The following GAB2 variants were observed in gnomAD, a reference collection of about 807,000 sequenced individuals.
The protein encoded by GAB2 is GRB2-associated-binding protein 2.
GAB2 carries 26 observed loss-of-function variants against 65.5 expected under a neutral mutation model. That is an observed-to-expected ratio of 0.40 (90% confidence interval 0.29 to 0.55). GAB2 has a LOEUF of 0.55. GAB2 is among the 20% of genes least tolerant of loss of function. The pLI is 0.53. For synonymous variants in GAB2, 321 were observed against 329.6 expected (o/e 0.97, Z 0.28); for missense variants, 884 against 875.8 (o/e 1.01, Z -0.12).
At chr11:78,415,129 C>T (rs1355247302) in intron 1 of GAB2, among the ~76,000 whole-genome samples, 1 of 152,236 alleles carries the variant, frequency 6.6e-6, no homozygotes, top group African/African-American at 2.4e-5. Context: ...GCCTCAGCCT[C>T]CCAAAGTGCT....
At chr11:78,411,788 T>G (rs1158861423) in intron 1 of GAB2, among the ~76,000 whole-genome samples, 3 of 151,392 alleles carry the variant, frequency 2.0e-5, no homozygotes, top group African/African-American at 7.3e-5. Context: ...TCCCAGCACT[T>G]TGGGAGGCCA....
chr11:78,311,679 C>G (rs1223609843), intron 1 of GAB2, among the ~76,000 whole-genome samples: 1 of 152,130 alleles, frequency 6.6e-6, no homozygotes, highest in Non-Finnish European at 1.5e-5. Context: ...TATTATATTG[C>G]TTTTAAATTG....
intron 3 of GAB2, among the ~76,000 whole-genome samples, chr11:78,231,336 G>GGTGC (rs1554975135): frequency 6.9e-6 from 1 of 145,796 alleles, no homozygotes; most frequent in Admixed American, 6.8e-5. Context: ...GCGCGTGTGT[G>GGTGC]GTGTGTGTGT....
intron 1 of GAB2, among the ~76,000 whole-genome samples, chr11:78,333,597 C>A (rs1009620466): frequency 6.6e-6 from 1 of 152,090 alleles, no homozygotes; most frequent in African/African-American, 2.4e-5. Context: ...ACAGTGGGAG[C>A]CAGATGTGAA....
At chr11:78,358,242 C>A (rs1165754056) in intron 1 of GAB2, among the ~76,000 whole-genome samples, 1 of 135,502 alleles carries the variant, frequency 7.4e-6, no homozygotes, top group African/African-American at 2.8e-5. Flanking sequence ...GGGAATTGAA[C>A]AATGAGAACA....
At chr11:78,277,572 G>C (rs1240198900) in intron 2 of GAB2, among the ~76,000 whole-genome samples, 1 of 152,244 alleles carries the variant, frequency 6.6e-6, no homozygotes, top group Admixed American at 6.5e-5. Context: ...AAATGGTCGA[G>C]TTTAACTGGT....
chr11:78,349,189 T>C (rs1351150018), intron 1 of GAB2, among the ~76,000 whole-genome samples: 2 of 152,184 alleles, frequency 1.3e-5, no homozygotes, highest in African/African-American at 2.4e-5. Context: ...CCTTTGAAGT[T>C]GATAAGGAAA....
rs1038909966 is a variant in GAB2, at chr11:78,225,183, G to A, written c.1227C>T (p.Tyr409=). ...TCTCTCCACCACGCTGTGGGTACTC[G>A]TAGGTCTCACAGGAAGAAGCTGACA... ...RLHRASSCET[Y]EYPQRGGESA... is the part of the protein sequence containing the mutation. Residue 409 remains tyrosine, a synonymous_variant, in exon 5 of 10, where the codon TAC becomes TAT. Transcript: ENST00000361507. 5 of 1,610,300 alleles carry A rather than the reference G, an allele frequency of 3.1e-6. No individual in the cohort carries two copies. Among genetic ancestry groups the A allele is most frequent in the Non-Finnish European group, 4.2e-6 (5 of 1,176,672 alleles).
chr11:78,390,028 C>G (rs1856815698), intron 1 of GAB2, among the ~76,000 whole-genome samples: 1 of 152,142 alleles, frequency 6.6e-6, no homozygotes, highest in South Asian at 2.1e-4. Flanking sequence ...CAGGACCAGG[C>G]AGCTTTAGAG....
At chr11:78,224,825 G>A (rs892055380) in intron 5 of GAB2, among the ~76,000 whole-genome samples, 3 of 151,988 alleles carry the variant, frequency 2.0e-5, no homozygotes, top group East Asian at 1.9e-4. Context: ...TTCCCCCACC[G>A]TGCAGCCTGG....
At chr11:78,231,336 G>GGTGTGTGTGTGCGTGTGTGT (rs1554975137) in intron 3 of GAB2, among the ~76,000 whole-genome samples, 9 of 145,898 alleles carry the variant, frequency 6.2e-5, no homozygotes, top group African/African-American at 2.1e-4. Context: ...GCGCGTGTGT[G>GGTGTGTGTGTGCGTGTGTGT]GTGTGTGTGT....
intron 1 of GAB2, among the ~76,000 whole-genome samples, chr11:78,287,993 G>A (rs1207171996): frequency 6.6e-6 from 1 of 151,674 alleles, no homozygotes; most frequent in African/African-American, 2.4e-5. Context: ...TTCTTGTCAA[G>A]GTGATAAAGC....
At chr11:78,306,065 C>T (rs1214949745) in intron 1 of GAB2, among the ~76,000 whole-genome samples, 3 of 152,194 alleles carry the variant, frequency 2.0e-5, no homozygotes, top group Non-Finnish European at 4.4e-5. Flanking sequence ...CATCTATACC[C>T]ATTTACCAAG....
intron 3 of GAB2, among the ~76,000 whole-genome samples, chr11:78,240,014 C>T (rs1486472558): frequency 1.3e-5 from 2 of 151,928 alleles, no homozygotes. Flanking sequence ...TTACACCCTT[C>T]CCAGGGGGGT....
chr11:78,352,029 C>T (rs987393899), intron 1 of GAB2, among the ~76,000 whole-genome samples: 9 of 152,036 alleles, frequency 5.9e-5, no homozygotes, highest in Middle Eastern at 3.4e-3. Flanking sequence ...CTGGGCAGCA[C>T]GGTGAAACCC....
chr11:78,404,216 G>A (rs991936584), intron 1 of GAB2, among the ~76,000 whole-genome samples: 1 of 152,188 alleles, frequency 6.6e-6, no homozygotes, highest in African/African-American at 2.4e-5. Flanking sequence ...ATCGATGAAT[G>A]CATTTAAAAA....
intron 1 of GAB2, among the ~76,000 whole-genome samples, chr11:78,288,614 A>C (rs1797357692): frequency 6.6e-6 from 1 of 151,754 alleles, no homozygotes; most frequent in South Asian, 2.1e-4. Flanking sequence ...AAAAGGTATA[A>C]ATCTAAAAAA....
intron 1 of GAB2, among the ~76,000 whole-genome samples, chr11:78,362,491 A>G (rs570419269): frequency 2.0e-5 from 3 of 151,662 alleles, no homozygotes; most frequent in African/African-American, 7.3e-5. Flanking sequence ...AGGTAAGATT[A>G]AAAAAAACAA....
intron 1 of GAB2, among the ~76,000 whole-genome samples, chr11:78,410,151 T>C (rs926342816): frequency 9.2e-5 from 14 of 152,202 alleles, no homozygotes; most frequent in African/African-American, 2.2e-4. Context: ...GGGAAATTCA[T>C]AGCAGTAAAT....
Sources: allele counts gnomAD v4.1 joint callset (sites outside exome capture counted in the v4.1 genomes callset), GRCh38; gene constraint gnomAD v4.1.1; transcripts MANE v1.5; gene names NCBI Gene and HGNC (gene_info 2026-07-23, HGNC 2026-07-21).